The following SLCO3A1 variants were observed in gnomAD, a reference collection of about 807,000 sequenced individuals.
The protein encoded by SLCO3A1 is PGE1 transporter.
SLCO3A1 carries 27 observed loss-of-function variants against 63.1 expected under a neutral mutation model. That is an observed-to-expected ratio of 0.43 (90% CI 0.32 to 0.59). The LOEUF is 0.59. SLCO3A1 is among the 20% of genes least tolerant of loss of function. The probability of loss-of-function intolerance (pLI) is 0.09; values close to 1 mark genes in which losing one functional copy is unlikely to be tolerated. For missense variants in SLCO3A1, 773 were observed against 945.8 expected, an observed-to-expected ratio of 0.82 and a Z score of 2.40; for synonymous variants, 473 against 409.9, an observed-to-expected ratio of 1.15 and a Z score of -1.86.
chr15:91,913,332 A>G (rs368777479), intron 1 of SLCO3A1, among the ~76,000 whole-genome samples: 11 of 152,358 alleles, frequency 7.2e-5, no homozygotes, highest in East Asian at 1.9e-4. Flanking sequence ...GAGACCCCCA[A>G]TAATGGGTGT....
rs139336566 is a variant in SLCO3A1, at chr15:91,981,394, T to C, written c.646+64936T>C. On this transcript the variant is annotated intron_variant, in intron 2 of 9. Transcript: ENST00000318445. ...CGGAATCCGCGCGTATCTCATCTCA[T>C]CTCTCTTTAGACTCCGCTTCATGCC... Among the ~76,000 whole-genome samples, 895 of 152,156 alleles carry C rather than the reference T, an allele frequency of 5.9e-3. 10 individuals carry two copies. Among genetic ancestry groups the C allele is most frequent in the African/African-American group, 0.021 (858 of 41,496 alleles).
rs752228563 is a variant in SLCO3A1 at position 91,854,094 on chromosome 15, T to C, written c.180+6T>C. On this transcript the variant is annotated splice_donor_region_variant and intron_variant, in intron 1 of 9. Coordinates refer to ENST00000318445, the MANE Select transcript of SLCO3A1 (RefSeq NM_013272.4). The surrounding 1 kb of genome is among the most constrained non-coding windows in gnomAD (Gnocchi z 6.4). ...GCACGGTGGGCGCCTACCTGGTGAG[T>C]CCCCGAGCCAACTCCGCCGCGGGCC... 6.7e-7 allele frequency: 1 copy of C among 1,485,938 alleles called. No homozygotes were observed. Among genetic ancestry groups the C allele is most frequent in the Non-Finnish European group, 9.0e-7 (1 of 1,112,478 alleles). 92.0% of individuals were successfully genotyped at this position (1,485,938 alleles called of 1,614,324 possible). A position where few individuals can be genotyped will look rare whatever the true frequency, so the allele number is the denominator to read the frequency against.
chr15:91,881,290 CTT>C (rs56077641), intron 1 of SLCO3A1, among the ~76,000 whole-genome samples: 9 of 147,318 alleles, frequency 6.1e-5, no homozygotes, highest in Non-Finnish European at 4.5e-5. Flanking sequence ...GTTCCCCCAC[CTT>C]TTTTTTTTTT....
At chr15:91,880,407 C>CTGTGTGTGTGTGTGTGTGTG (rs1235050747) in intron 1 of SLCO3A1, among the ~76,000 whole-genome samples, 27 of 142,942 alleles carry the variant, frequency 1.9e-4, no homozygotes, top group African/African-American at 7.2e-4. Context: ...CTCTCTCTCT[C>CTGTGTGTGTGTGTGTGTGTG]TCTGTGTGTG....
At chr15:92,067,208 C>G (rs1452422915) in intron 2 of SLCO3A1, among the ~76,000 whole-genome samples, 2 of 152,196 alleles carry the variant, frequency 1.3e-5, no homozygotes, top group Non-Finnish European at 2.9e-5. Context: ...GCCCAGAGCC[C>G]TGTACACCAT....
chr15:91,953,450 C>T (rs1284013642), intron 2 of SLCO3A1, among the ~76,000 whole-genome samples: 1 of 152,090 alleles, frequency 6.6e-6, no homozygotes, highest in Admixed American at 6.5e-5. Context: ...GGTGTCAGGC[C>T]TCTTGGGGAG....
rs893566456 is a variant in SLCO3A1 at position 92,137,450 on chromosome 15, T to G, written c.1512+8961T>G. On this transcript the variant is annotated intron_variant, in intron 7 of 9. Transcript: ENST00000318445. Reference sequence around the variant, plus strand: ...AATAAACATACGTGTGCATGTGTCTTTATAGCAGCATGATTTATAGTCCTT... The same window carrying G: ...AATAAACATACGTGTGCATGTGTCTGTATAGCAGCATGATTTATAGTCCTT... Among the ~76,000 whole-genome samples, 8 of 98,992 alleles carry G rather than the reference T, an allele frequency of 8.1e-5. 2 individuals are homozygous for G. In the Admixed American group the frequency reaches 8.8e-4, roughly 11 times the overall value. 64.9% of individuals were successfully genotyped at this position (98,992 alleles called of 152,430 possible). A position where few individuals can be genotyped will look rare whatever the true frequency, so the allele number is the denominator to read the frequency against.
At chr15:91,993,044 G>T (rs866418708) in intron 2 of SLCO3A1, among the ~76,000 whole-genome samples, 1 of 152,148 alleles carries the variant, frequency 6.6e-6, no homozygotes, top group African/African-American at 2.4e-5. Context: ...AACCTTTCTG[G>T]CGTGTGTCTA....
At chr15:91,889,166 T>C (rs1897806308) in intron 1 of SLCO3A1, 1 of 1,287,386 alleles carries the variant, frequency 7.8e-7, no homozygotes, top group African/African-American at 1.5e-5. Context: ...GTTCCTTGAC[T>C]GATGTCATAA....
intron 2 of SLCO3A1, among the ~76,000 whole-genome samples, chr15:92,012,378 T>G (rs1312467240): frequency 6.6e-6 from 1 of 152,132 alleles, no homozygotes; most frequent in Admixed American, 6.5e-5. Flanking sequence ...GTTTTCAAGG[T>G]CCCTTCCCAG....
intron 9 of SLCO3A1, chr15:92,161,617 C>A (rs1192451762): frequency 6.6e-6 from 1 of 152,150 alleles, no homozygotes; most frequent in African/African-American, 2.4e-5. Context: ...CAGATATTTT[C>A]CATTTAAACT....
intron 2 of SLCO3A1, among the ~76,000 whole-genome samples, chr15:92,063,070 C>T (rs956222345): frequency 1.3e-5 from 2 of 152,212 alleles, no homozygotes; most frequent in East Asian, 1.9e-4. Context: ...CTCAGAATAA[C>T]GCCTTAAGGT....
intron 2 of SLCO3A1, among the ~76,000 whole-genome samples, chr15:92,040,528 T>C (rs986076180): frequency 3.3e-5 from 5 of 152,174 alleles, no homozygotes; most frequent in Non-Finnish European, 5.9e-5. Context: ...AAATGGGTAG[T>C]GGCCAAAGGC....
At chr15:92,000,446 T>C (rs888959232) in intron 2 of SLCO3A1, among the ~76,000 whole-genome samples, 1 of 151,566 alleles carries the variant, frequency 6.6e-6, no homozygotes, top group Non-Finnish European at 1.5e-5. Context: ...TTAATGAGTA[T>C]GTGTTTTCTT....
rs1452446064 is a variant in SLCO3A1, at chr15:91,967,811, A to C, written c.646+51353A>C. The stretch of plus-strand genomic sequence containing the variant: ...GACGTAGTGGCAGGACTAAAGGTCA[A>C]GGTCACTTCAGTGTTCTCCCAAATC... On this transcript the variant is annotated intron_variant, in intron 2 of 9. Transcript: ENST00000318445. The surrounding 1 kb of genome is among the most constrained non-coding windows in gnomAD (Gnocchi z 4.4). 1.3e-5 allele frequency among the ~76,000 whole-genome samples: 2 copies of C among 152,170 alleles called. No homozygotes were observed. The highest frequency in any genetic ancestry group is 4.8e-5 in the African/African-American group (2 of 41,432).
At position 91,897,338 on chromosome 15, in the gene SLCO3A1, C is replaced by G. The variant is rs761659193; in HGVS notation, c.181-18655C>G. Among the ~76,000 whole-genome samples, 1 of 152,044 alleles carries G rather than the reference C, an allele frequency of 6.6e-6. No homozygotes were observed. The highest frequency in any genetic ancestry group is 1.5e-5 in the Non-Finnish European group (1 of 68,014). On this transcript the variant is annotated intron_variant, in intron 1 of 9. Coordinates refer to ENST00000318445, the MANE Select transcript of SLCO3A1 (RefSeq NM_013272.4). The surrounding 1 kb of genome is among the most constrained non-coding windows in gnomAD (Gnocchi z 4.7). ...TGGTGGCGGGCACCTATAATCCCAG[C>G]TACTCAGGAGGCTGAGGCACGAGAA...
intron 2 of SLCO3A1, among the ~76,000 whole-genome samples, chr15:92,005,721 C>T (rs1204929098): frequency 1.3e-5 from 2 of 152,192 alleles, no homozygotes; most frequent in South Asian, 2.1e-4. Context: ...AGCACACCTA[C>T]GCTAGCTCAC....
At chr15:91,919,547 G>A (rs527811539) in intron 2 of SLCO3A1, among the ~76,000 whole-genome samples, 1 of 152,358 alleles carries the variant, frequency 6.6e-6, no homozygotes, top group East Asian at 1.9e-4. Context: ...AGTGGCAGTG[G>A]AGACCACTGG....
chr15:91,979,998 A>G (rs1375877679), intron 2 of SLCO3A1, among the ~76,000 whole-genome samples: 1 of 152,220 alleles, frequency 6.6e-6, no homozygotes, highest in Non-Finnish European at 1.5e-5. Context: ...CCTGGGGAAA[A>G]TGAATCTAGA....
Sources: gnomAD v4.1 joint callset for allele counts (sites outside exome capture counted in the v4.1 genomes callset) on GRCh38, gnomAD v4.1.1 for gene constraint, Gnocchi (gnomAD v3.1) non-coding constraint, MANE v1.5 for transcripts, NCBI Gene and HGNC (gene_info 2026-07-23, HGNC 2026-07-21) for gene names.